NCKAP1L: variants seen among roughly 807,000 people sequenced by gnomAD.
NCKAP1L encodes nck-associated protein 1-like.
A neutral mutation model predicts 139.2 loss-of-function variants in NCKAP1L; 53 were observed. That is an observed-to-expected ratio of 0.38 (90% CI 0.31 to 0.48). The LOEUF is 0.48. Among genes scored for constraint, NCKAP1L ranks in the 20% least tolerant of loss-of-function variants. The probability of loss-of-function intolerance (pLI) is 0.98; values close to 1 mark genes in which losing one functional copy is unlikely to be tolerated. For synonymous variants in NCKAP1L, 468 were observed against 499.7 expected (o/e 0.94, Z 0.85); for missense variants, 1,151 against 1,381.9 (o/e 0.83, Z 2.65).
intron 19 of NCKAP1L, 22 bp downstream of exon 19, chr12:54,523,561 G>A (rs1487811176): frequency 6.2e-7 from 1 of 1,604,828 alleles, no homozygotes; most frequent in Admixed American, 1.7e-5. Flanking sequence ...GGCCCTAGAT[G>A]GCCAGCTGGG....
chr12:54,505,751 CT>C (rs1224484851), intron 3 of NCKAP1L, among the ~76,000 whole-genome samples: 2 of 151,994 alleles, frequency 1.3e-5, no homozygotes, highest in Non-Finnish European at 2.9e-5. Context: ...CAACATCTGC[CT>C]CCTGGGTTGA....
At chr12:54,497,979 C>A in intron 1 of NCKAP1L, 88 bp downstream of exon 1, 1 of 782,700 alleles carries the variant, frequency 1.3e-6, no homozygotes, top group Non-Finnish European at 2.2e-6. Context: ...AGTTAGACTC[C>A]CACCTTTTTT....
chr12:54,519,874 GA>G (rs1168753923), intron 16 of NCKAP1L, among the ~76,000 whole-genome samples: 4 of 148,700 alleles, frequency 2.7e-5, no homozygotes, highest in Admixed American at 6.7e-5. Flanking sequence ...AACGTCTTCA[GA>G]TTTTTTTTTT....
At chr12:54,507,357 T>C (rs1956850993) in intron 3 of NCKAP1L, among the ~76,000 whole-genome samples, 1 of 152,170 alleles carries the variant, frequency 6.6e-6, no homozygotes, top group South Asian at 2.1e-4. Context: ...ATATGCAAAT[T>C]ACTTGGTAAG....
At chr12:54,521,841 AC>A (rs1468706783) in intron 18 of NCKAP1L, among the ~76,000 whole-genome samples, 1 of 151,340 alleles carries the variant, frequency 6.6e-6, no homozygotes, top group Admixed American at 6.6e-5. Flanking sequence ...CAGACTACCC[AC>A]CTTTCCTGGG....
intron 22 of NCKAP1L, among the ~76,000 whole-genome samples, chr12:54,528,611 ATCT>A (rs113269671): frequency 0.011 from 1,664 of 150,168 alleles, 27 homozygotes; most frequent in African/African-American, 0.033. Flanking sequence ...CTGTCATGGC[ATCT>A]TCTTCTTCTT....
At chr12:54,526,109 A>T (rs1425922810) in intron 20 of NCKAP1L, among the ~76,000 whole-genome samples, 1 of 152,188 alleles carries the variant, frequency 6.6e-6, no homozygotes, top group Admixed American at 6.5e-5. Flanking sequence ...ATCGGAACTA[A>T]TTCTTTTCAA....
At chr12:54,516,714 G>A (rs1956934926) in intron 10 of NCKAP1L, among the ~76,000 whole-genome samples, 182 bp from the exon 11 acceptor site, 1 of 152,094 alleles carries the variant, frequency 6.6e-6, no homozygotes, top group South Asian at 2.1e-4. Context: ...CCAACGTGCT[G>A]GAATTACAGG....
intron 4 of NCKAP1L, 45 bp from the exon 5 acceptor site, chr12:54,508,344 T>A: frequency 6.2e-7 from 1 of 1,606,600 alleles, no homozygotes. Context: ...AGATCCAGGT[T>A]AATTGGCCAT....
intron 13 of NCKAP1L, 104 bp downstream of exon 13, chr12:54,518,042 T>C: frequency 1.4e-6 from 2 of 1,416,400 alleles, no homozygotes; most frequent in Non-Finnish European, 2.0e-6. Flanking sequence ...AAGTTGGGTG[T>C]CAAAAGGTCC....
Position 54,518,897 on chromosome 12 carries a change from T to C in NCKAP1L, c.1421-17T>C, listed in dbSNP as rs772253110. On this transcript the variant is annotated splice_polypyrimidine_tract_variant and intron_variant, in intron 14 of 30. Coordinates refer to ENST00000293373, the MANE Select transcript of NCKAP1L (RefSeq NM_005337.5). The stretch of plus-strand genomic sequence containing the variant: ...TGCTGTTTATTGTTTCCTTTTATAC[T>C]TCCGTTTTTCTTGCAGTTGATAATG... The C allele has an allele frequency of 8.1e-6, 13 of 1,611,466 alleles. No homozygotes were observed. The highest frequency in any genetic ancestry group is 1.1e-5 in the Non-Finnish European group (13 of 1,177,544).
intron 3 of NCKAP1L, among the ~76,000 whole-genome samples, chr12:54,503,353 G>A (rs983095664): frequency 2.6e-5 from 4 of 151,530 alleles, no homozygotes; most frequent in Non-Finnish European, 5.9e-5. Flanking sequence ...AATTGATAAG[G>A]TATTATTAAA....
intron 1 of NCKAP1L, 64 bp from the exon 2 acceptor site, chr12:54,499,291 A>C (rs1956777373): frequency 3.3e-6 from 3 of 918,004 alleles, no homozygotes; most frequent in South Asian, 1.3e-5. Flanking sequence ...TGAATGTTGC[A>C]AGAAGAGGTA....
At chr12:54,508,219 C>A (rs1956858255) in intron 4 of NCKAP1L, among the ~76,000 whole-genome samples, 170 bp from the exon 5 acceptor site, 1 of 152,156 alleles carries the variant, frequency 6.6e-6, no homozygotes, top group Non-Finnish European at 1.5e-5. Context: ...CACTTTTAGC[C>A]CCTGACTTTT....
chr12:54,539,359 A>T (rs74091312), intron 30 of NCKAP1L, among the ~76,000 whole-genome samples: 8,020 of 152,236 alleles, frequency 0.053, 610 homozygotes, highest in African/African-American at 0.16. Context: ...GAGTACTATG[A>T]AAAGAGTGCT....
intron 17 of NCKAP1L, 57 bp downstream of exon 17, chr12:54,520,883 A>C (rs1205293511): frequency 6.2e-7 from 1 of 1,608,398 alleles, no homozygotes; most frequent in African/African-American, 1.3e-5. Flanking sequence ...CTTATCACCC[A>C]AAACACAATT....
At chr12:54,533,876 G>A (rs1360539234) in intron 26 of NCKAP1L, among the ~76,000 whole-genome samples, 1 of 152,136 alleles carries the variant, frequency 6.6e-6, no homozygotes, top group Non-Finnish European at 1.5e-5. Flanking sequence ...GCCAGTCTGT[G>A]GGATTACTTG....
At chr12:54,506,794 AAAAT>A (rs1436733506) in intron 3 of NCKAP1L, among the ~76,000 whole-genome samples, 11 of 23,760 alleles carry the variant, frequency 4.6e-4, no homozygotes, top group East Asian at 7.3e-3. Flanking sequence ...TTAAAAAAAA[AAAAT>A]ATATATATAT....
intron 7 of NCKAP1L, chr12:54,510,219 C>T: frequency 3.5e-6 from 2 of 571,356 alleles, no homozygotes; most frequent in East Asian, 6.1e-5. Context: ...GTTAGCCTGT[C>T]CATAGAAGGA....
Sources: gnomAD v4.1 joint callset for allele counts (sites outside exome capture counted in the v4.1 genomes callset) on GRCh38, gnomAD v4.1.1 for gene constraint, MANE v1.5 for transcripts, NCBI Gene and HGNC (gene_info 2026-07-23, HGNC 2026-07-21) for gene names.